SLC9A1: variants seen among roughly 807,000 people sequenced by gnomAD.
SLC9A1 encodes solute carrier family 9 member A1.
SLC9A1 carries 22 observed loss-of-function variants against 67.9 expected under a neutral mutation model. That is an observed-to-expected ratio of 0.32 (90% CI 0.23 to 0.46). The LOEUF is 0.46. SLC9A1 is among the 20% of genes least tolerant of loss of function. The pLI is 1.00. For synonymous variants in SLC9A1, 421 were observed against 471.8 expected (o/e 0.89, Z 1.40); for missense variants, 686 against 1,094.8 (o/e 0.63, Z 5.27).
In SLC9A1 at chr1:27,154,888, G is replaced by A. The variant is rs376818778; in HGVS notation, c.-554C>T. 3 of 152,584 alleles carry A rather than the reference G, an allele frequency of 2.0e-5. No homozygotes were observed. The highest frequency in any genetic ancestry group is 2.9e-5 in the Non-Finnish European group (2 of 68,218). 9.5% of individuals were successfully genotyped at this position (152,584 alleles called of 1,614,324 possible). On this transcript the variant is annotated 5_prime_UTR_variant, in exon 1 of 12. Transcript: ENST00000263980. ...GGCCGGGAGCTTCTCCACCCAGAGA[G>A]GGGCAGGGGTCCAGGCGCGCCGGGC...
At chr1:27,138,426 A>G (rs11807614) in intron 1 of SLC9A1, among the ~76,000 whole-genome samples, 2,748 of 152,082 alleles carry the variant, frequency 0.018, 93 homozygotes, top group African/African-American at 0.059. Flanking sequence ...TCCACATCCA[A>G]TGCTCCATGC....
chr1:27,151,208 G>T (rs2083524956), intron 1 of SLC9A1, among the ~76,000 whole-genome samples: 1 of 152,184 alleles, frequency 6.6e-6, no homozygotes, highest in South Asian at 2.1e-4. Flanking sequence ...CTGAGGTAGG[G>T]ATGCATTTGC....
Position 27,100,633 on chromosome 1 carries a change from A to G in SLC9A1, c.2122T>C (p.Tyr708His). The G allele has an allele frequency of 6.2e-7, 1 of 1,606,982 alleles. No individual in the cohort carries two copies. Among genetic ancestry groups the G allele is most frequent in the Non-Finnish European group, 8.5e-7 (1 of 1,176,032 alleles). The change falls in exon 12 of 12, where the codon TAT becomes CAT. Residue 708 changes from tyrosine to histidine, a missense_variant. By Grantham distance (83) the Tyr-to-His change is moderately conservative (BLOSUM62 2). Coordinates refer to ENST00000263980, the MANE Select transcript of SLC9A1 (RefSeq NM_003047.5). This position sits in a 1 kb window ranked among gnomAD's most constrained non-coding sequence, Gnocchi z 5.6. ...ACAGGCAGGTCCTCCTTCGGCTCAT[A>G]GGCCAGTGGGTCTGGGGACCAAGAG... ...RARIGSDPLA[Y>H]EPKEDLPVIT...
intron 1 of SLC9A1, among the ~76,000 whole-genome samples, chr1:27,122,337 T>C (rs768355095): frequency 3.3e-5 from 5 of 152,124 alleles, no homozygotes; most frequent in Non-Finnish European, 5.9e-5. Flanking sequence ...GATGAACACT[T>C]CCTGAAGGAT....
Position 27,114,332 on chromosome 1 carries a change from C to T in SLC9A1, c.353-46G>A. The T allele has an allele frequency of 6.6e-7, 1 of 1,516,784 alleles. No homozygotes were observed. The highest frequency in any genetic ancestry group is 9.0e-7 in the Non-Finnish European group (1 of 1,107,322). 94.0% of individuals were successfully genotyped at this position (1,516,784 alleles called of 1,614,324 possible). A position where few individuals can be genotyped will look rare whatever the true frequency, so the allele number is the denominator to read the frequency against. ...GGAGGCCATGGGCTTTCGGAGGAGC[C>T]AGGAGAATAGAAGGTTGGGGATGGG... is the stretch of plus-strand genomic sequence containing the variant. On this transcript the variant is annotated intron_variant, in intron 1 of 11. Coordinates refer to ENST00000263980, the MANE Select transcript of SLC9A1 (RefSeq NM_003047.5). The surrounding 1 kb of genome is among the most constrained non-coding windows in gnomAD (Gnocchi z 5.4).
At chr1:27,129,151 C>T (rs2083368094) in intron 1 of SLC9A1, among the ~76,000 whole-genome samples, 1 of 152,180 alleles carries the variant, frequency 6.6e-6, no homozygotes, top group Non-Finnish European at 1.5e-5. Flanking sequence ...ATTAAGGCTC[C>T]ATGGGCAGCA....
chr1:27,101,942 A>G lies in SLC9A1; in HGVS notation c.1935+74T>C. 1 of 1,430,248 alleles carries G rather than the reference A, an allele frequency of 7.0e-7. No homozygotes were observed. The highest frequency in any genetic ancestry group is 1.7e-5 in the Admixed American group (1 of 59,768). 88.6% of individuals were successfully genotyped at this position (1,430,248 alleles called of 1,614,324 possible). A position where few individuals can be genotyped will look rare whatever the true frequency, so the allele number is the denominator to read the frequency against. The stretch of plus-strand genomic sequence containing the variant: ...GGGGTGGGTGCCGAGGGGCACGGGC[A>G]GGGCAGGGCTGCCGTAGAGAGGGGC... On this transcript the variant is annotated intron_variant, in intron 9 of 11. Coordinates refer to ENST00000263980, the MANE Select transcript of SLC9A1 (RefSeq NM_003047.5). This position sits in a 1 kb window ranked among gnomAD's most constrained non-coding sequence, Gnocchi z 4.9.
At chr1:27,132,541 T>A (rs1426373282) in intron 1 of SLC9A1, among the ~76,000 whole-genome samples, 2 of 152,146 alleles carry the variant, frequency 1.3e-5, no homozygotes, top group South Asian at 2.1e-4. Context: ...ATTTTTAAAA[T>A]GAAGATGCCT....
rs114838723 is a variant in SLC9A1, at chr1:27,115,013, G to A, written c.353-727C>T. On this transcript the variant is annotated intron_variant, in intron 1 of 11. Transcript: ENST00000263980. ...TGAGATAAAATCTATTTGCTATCCCGCTTCTAGCTCAATGCCACCCACTTT... is the reference window on the plus strand; with the variant it reads ...TGAGATAAAATCTATTTGCTATCCCACTTCTAGCTCAATGCCACCCACTTT... 1.6e-3 allele frequency among the ~76,000 whole-genome samples: 243 copies of A among 152,236 alleles called. 3 individuals are homozygous for A. The highest frequency in any genetic ancestry group is 5.7e-3 in the African/African-American group (238 of 41,538).
In SLC9A1 at chr1:27,106,183, T is replaced by G; in HGVS notation, c.1283-96A>C. The G allele has an allele frequency of 2.4e-6, 2 of 816,494 alleles. No individual in the cohort carries two copies. The highest frequency in any genetic ancestry group is 1.7e-5 in the African/African-American group (1 of 58,838). The allele number at this position is 816,494 out of a possible 1,614,324, so 50.6% of individuals were successfully genotyped here. On this transcript the variant is annotated intron_variant, in intron 4 of 11. Coordinates refer to ENST00000263980, the MANE Select transcript of SLC9A1 (RefSeq NM_003047.5). This position sits in a 1 kb window ranked among gnomAD's most constrained non-coding sequence, Gnocchi z 4.3. The stretch of plus-strand genomic sequence containing the variant: ...GTGATTTCTCTGTGCATCCAGGAAG[T>G]CTCCATTACGAAGCCCACCCCGCTC...
intron 1 of SLC9A1, among the ~76,000 whole-genome samples, chr1:27,152,736 C>G (rs886889321): frequency 3.9e-5 from 6 of 152,122 alleles, no homozygotes; most frequent in African/African-American, 1.4e-4. Context: ...CACCAGGAAC[C>G]CAGCTCCTGG....
At position 27,100,648 on chromosome 1, in the gene SLC9A1, G is replaced by A. The variant is rs774129278; in HGVS notation, c.2111-4C>T. The A allele has an allele frequency of 6.3e-7, 1 of 1,596,464 alleles. No homozygotes were observed. Among genetic ancestry groups the A allele is most frequent in the Non-Finnish European group, 8.5e-7 (1 of 1,170,746 alleles). On this transcript the variant is annotated splice_region_variant and splice_polypyrimidine_tract_variant and intron_variant, in intron 11 of 11. Coordinates refer to ENST00000263980, the MANE Select transcript of SLC9A1 (RefSeq NM_003047.5). This position sits in a 1 kb window ranked among gnomAD's most constrained non-coding sequence, Gnocchi z 5.6. ...TTCGGCTCATAGGCCAGTGGGTCTG[G>A]GGACCAAGAGCAAGGCACAAGCTGG... is the stretch of plus-strand genomic sequence containing the variant.
intron 1 of SLC9A1, among the ~76,000 whole-genome samples, chr1:27,125,598 C>T (rs1173000739): frequency 6.9e-6 from 1 of 145,944 alleles, no homozygotes; most frequent in Non-Finnish European, 1.5e-5. Context: ...AAGAGTGAAG[C>T]TTTTTTTTTC....
chr1:27,102,327 C>T (rs2124129007), intron 8 of SLC9A1, 58 bp downstream of exon 8: 1 of 1,543,864 alleles, frequency 6.5e-7, no homozygotes. Flanking sequence ...CCACCTCCAA[C>T]CGGGCTTGAG....
chr1:27,126,735 T>C (rs1297353300), intron 1 of SLC9A1, among the ~76,000 whole-genome samples: 1 of 152,224 alleles, frequency 6.6e-6, no homozygotes, highest in Non-Finnish European at 1.5e-5. Context: ...GGATAAAGAC[T>C]TGTTGAGCTA....
chr1:27,138,274 T>C (rs1249755936), intron 1 of SLC9A1, among the ~76,000 whole-genome samples: 1 of 152,204 alleles, frequency 6.6e-6, no homozygotes, highest in East Asian at 1.9e-4. Flanking sequence ...GCCCTGGTCT[T>C]TGGAAGATGA....
At chr1:27,140,566 C>A (rs2083447313) in intron 1 of SLC9A1, among the ~76,000 whole-genome samples, 1 of 152,108 alleles carries the variant, frequency 6.6e-6, no homozygotes, top group South Asian at 2.1e-4. Flanking sequence ...ACATCACCCC[C>A]CTTTAGACTG....
intron 1 of SLC9A1, among the ~76,000 whole-genome samples, chr1:27,131,947 A>AATATATATATATATAT (rs71010329): frequency 9.6e-5 from 5 of 52,118 alleles, no homozygotes; most frequent in East Asian, 1.1e-3. Flanking sequence ...AGAAAAAAAA[A>AATATATATATATATAT]ATATATATAT....
chr1:27,138,527 A>C (rs1288767969), intron 1 of SLC9A1, among the ~76,000 whole-genome samples: 1 of 152,104 alleles, frequency 6.6e-6, no homozygotes, highest in Non-Finnish European at 1.5e-5. Flanking sequence ...ATGGGGGTAG[A>C]GGCAGCTGGT....
Sources: gnomAD v4.1 joint callset for allele counts (sites outside exome capture counted in the v4.1 genomes callset) on GRCh38, gnomAD v4.1.1 for gene constraint, Gnocchi (gnomAD v3.1) non-coding constraint, MANE v1.5 for transcripts, NCBI Gene and HGNC (gene_info 2026-07-23, HGNC 2026-07-21) for gene names.